Variants in RGL1 observed in about 807,000 individuals in gnomAD.
RGL1 encodes the protein ral guanine nucleotide dissociation stimulator like 1, also known as ral guanine nucleotide dissociation stimulator-like 1.
A neutral mutation model predicts 95.2 loss-of-function variants in RGL1; 24 were observed. The ratio of observed to expected loss-of-function variants is 0.25; its 90% CI spans 0.18 to 0.35. The LOEUF (loss-of-function observed/expected upper bound fraction) is 0.35, where lower values mean the gene tolerates loss of function less well. RGL1 is among the 10% of genes least tolerant of loss of function. RGL1 has a pLI of 1.00. For missense variants in RGL1, 715 were observed against 936.3 expected (o/e 0.76, Z 3.08); for synonymous variants, 329 against 344.9 (o/e 0.95, Z 0.51).
rs563675454 is a variant in RGL1, at chr1:183,904,817, T to A, written c.1351-33T>A. ...TGGTTGGCCTTATTATTCAGTCTTT[T>A]TTTTTTAATTTTTGGTATTCTGTCT... On this transcript the variant is annotated intron_variant, in intron 12 of 17. Transcript: ENST00000360851. 2.5e-3 allele frequency: 3,999 copies of A among 1,578,626 alleles called. 19 individuals carry two copies. The highest frequency in any genetic ancestry group is 7.8e-3 in the African/African-American group (571 of 72,802).
intron 9 of RGL1, among the ~76,000 whole-genome samples, chr1:183,895,181 C>T (rs1667620234): frequency 6.6e-6 from 1 of 152,288 alleles, no homozygotes; most frequent in African/African-American, 2.4e-5. Context: ...ACAACTGTGA[C>T]AGTTCTGAGC....
At chr1:183,717,351 T>G (rs1655684634) in intron 1 of RGL1, among the ~76,000 whole-genome samples, 1 of 152,210 alleles carries the variant, frequency 6.6e-6, no homozygotes, top group Non-Finnish European at 1.5e-5. Context: ...ATGTGTCACT[T>G]ATATTCAAGA....
intron 1 of RGL1, chr1:183,742,055 A>T: frequency 7.9e-7 from 1 of 1,264,884 alleles, no homozygotes; most frequent in South Asian, 1.4e-5. Flanking sequence ...CAAGCATGAT[A>T]ATTTGCTTCG....
chr1:183,862,965 G>T (rs1490315676), intron 3 of RGL1, among the ~76,000 whole-genome samples: 2 of 152,236 alleles, frequency 1.3e-5, no homozygotes, highest in East Asian at 3.8e-4. Flanking sequence ...AGGGGCTGAT[G>T]TTACAGTTGG....
At chr1:183,819,821 G>C (rs575655683) in intron 2 of RGL1, among the ~76,000 whole-genome samples, 2 of 147,936 alleles carry the variant, frequency 1.4e-5, no homozygotes, top group African/African-American at 2.5e-5. Context: ...GTCTTGTTCT[G>C]TCGCCCAGTC....
chr1:183,871,393 G>A (rs1397408682), intron 4 of RGL1, among the ~76,000 whole-genome samples: 1 of 152,182 alleles, frequency 6.6e-6, no homozygotes, highest in Non-Finnish European at 1.5e-5. Context: ...GTGATTTCAG[G>A]TGGAAAACCG....
chr1:183,801,178 T>TGTGTG (rs59988701), upstream of RGL1, among the ~76,000 whole-genome samples: 5 of 151,124 alleles, frequency 3.3e-5, no homozygotes, highest in Admixed American at 6.6e-5. Context: ...TGTGTGTGTG[T>TGTGTG]TTAATAATGG....
At chr1:183,794,774 G>A (rs1255781317) in intron 2 of RGL1, among the ~76,000 whole-genome samples, 1 of 152,092 alleles carries the variant, frequency 6.6e-6, no homozygotes, top group Non-Finnish European at 1.5e-5. Context: ...TTCAAAGGTG[G>A]TGGTTAACAC....
chr1:183,651,847 C>A (rs1489422470), intron 1 of RGL1, among the ~76,000 whole-genome samples: 1 of 152,226 alleles, frequency 6.6e-6, no homozygotes, highest in Non-Finnish European at 1.5e-5. Flanking sequence ...CCTGCTTACT[C>A]CCGAGCATTG....
chr1:183,814,799 A>C lies in RGL1; in HGVS notation c.138+8314A>C, dbSNP rs180768195. Among the ~76,000 whole-genome samples the C allele has an allele frequency of 5.6e-3, 860 of 152,316 alleles. 5 individuals carry two copies. The highest frequency in any genetic ancestry group is 0.017 in the South Asian group (82 of 4,820). The stretch of plus-strand genomic sequence containing the variant: ...ACCCTCTTGCTAGTAATTCTTCCAT[A>C]GTTATGTGCCATTCTTATTATGCCC... On this transcript the variant is annotated intron_variant, in intron 2 of 17. Transcript: ENST00000360851.
At chr1:183,914,570 T>C (rs1668849948) in intron 15 of RGL1, among the ~76,000 whole-genome samples, 1 of 152,192 alleles carries the variant, frequency 6.6e-6, no homozygotes, top group Non-Finnish European at 1.5e-5. Context: ...TCCTCCAGAC[T>C]GTCATTCTTC....
Position 183,880,707 on chromosome 1 carries a change from G to A in RGL1, c.517G>A (p.Asp173Asn), listed in dbSNP as rs775504258. Residue 173 changes from aspartate to asparagine, a missense_variant, in exon 5 of 18, where the codon GAT becomes AAT. Asp to Asn is a conservative substitution (Grantham distance 23, BLOSUM62 1). This residue lies in a region of RGL1 where 381 missense variants were observed against 484.8 expected (regional missense o/e 0.79). Transcript: ENST00000360851. ...PHFPCLQKLL[D>N]YLTRMMPGSD... ...CTTCCCTTGCTTACAGAAACTGCTG[G>A]ATTATCTCACACGGATGATGCCGGG... The A allele has an allele frequency of 6.2e-7, 1 of 1,613,914 alleles. No individual in the cohort carries two copies. The highest frequency in any genetic ancestry group is 1.1e-5 in the South Asian group (1 of 91,074).
intron 2 of RGL1, among the ~76,000 whole-genome samples, chr1:183,794,686 T>C (rs1660608360): frequency 1.3e-5 from 2 of 152,246 alleles, no homozygotes; most frequent in African/African-American, 4.8e-5. Flanking sequence ...CAAACAAATA[T>C]CATCTCTTTC....
intron 5 of RGL1, among the ~76,000 whole-genome samples, chr1:183,881,916 C>T (rs1041530414): frequency 3.3e-5 from 5 of 152,240 alleles, no homozygotes; most frequent in Admixed American, 6.5e-5. Context: ...GAGTGGGAAA[C>T]GCTGTGTTGG....
At chr1:183,706,725 A>G (rs1291915550) in intron 1 of RGL1, among the ~76,000 whole-genome samples, 1 of 152,210 alleles carries the variant, frequency 6.6e-6, no homozygotes, top group African/African-American at 2.4e-5. Flanking sequence ...CCGTGGGCCC[A>G]CAGAGCCCCT....
At chr1:183,824,468 G>T (rs1209178605) in intron 2 of RGL1, among the ~76,000 whole-genome samples, 3 of 152,170 alleles carry the variant, frequency 2.0e-5, no homozygotes, top group Non-Finnish European at 4.4e-5. Flanking sequence ...CCTTGATAGG[G>T]AGGATAGAAG....
intron 2 of RGL1, among the ~76,000 whole-genome samples, chr1:183,776,991 C>T (rs1659639917): frequency 1.3e-5 from 2 of 152,214 alleles, no homozygotes; most frequent in African/African-American, 4.8e-5. Flanking sequence ...CAGAAACTTA[C>T]TGTATTTCAA....
At chr1:183,850,397 G>T (rs533524341) in intron 3 of RGL1, among the ~76,000 whole-genome samples, 1 of 152,232 alleles carries the variant, frequency 6.6e-6, no homozygotes, top group South Asian at 2.1e-4. Context: ...TTAGTCTTAA[G>T]AAATACCTTT....
intron 13 of RGL1, among the ~76,000 whole-genome samples, chr1:183,906,623 G>A (rs557261835): frequency 6.6e-6 from 1 of 152,308 alleles, no homozygotes; most frequent in African/African-American, 2.4e-5. Flanking sequence ...AAAATAGTAG[G>A]AAGGAGGTAA....
Sources: gnomAD v4.1 joint callset for allele counts (sites outside exome capture counted in the v4.1 genomes callset) on GRCh38, gnomAD v4.1.1 for gene constraint, gnomAD v4.1.1 regional missense constraint, MANE v1.5 for transcripts, NCBI Gene and HGNC (gene_info 2026-07-23, HGNC 2026-07-21) for gene names.